The following CHST15 variants were observed in gnomAD, a reference collection of about 807,000 sequenced individuals.
CHST15 encodes carbohydrate sulfotransferase 15, also known as B cell RAG associated protein (GALNAC4S-6ST).
A neutral mutation model predicts 53.6 loss-of-function variants in CHST15; 30 were observed. The observed-to-expected ratio is 0.56, with a 90% CI of 0.42 to 0.76. CHST15 has a LOEUF of 0.76. Among genes scored for constraint, CHST15 ranks in the 30% least tolerant of loss-of-function variants. The pLI is 0.00. For missense variants in CHST15, 627 were observed against 740.5 expected, an observed-to-expected ratio of 0.85 and a Z score of 1.78; for synonymous variants, 296 against 289.8, an observed-to-expected ratio of 1.02 and a Z score of -0.22.
chr10:124,069,452 G>A (rs1351366860), intron 1 of CHST15, among the ~76,000 whole-genome samples: 2 of 152,180 alleles, frequency 1.3e-5, no homozygotes. Flanking sequence ...AGAATCATCG[G>A]GGCCAGGCTC....
At chr10:124,069,171 CA>C (rs1411333292) in intron 1 of CHST15, among the ~76,000 whole-genome samples, 3 of 152,230 alleles carry the variant, frequency 2.0e-5, no homozygotes, top group Non-Finnish European at 2.9e-5. Flanking sequence ...TGCTGCTAGG[CA>C]AAGTTGCAAA....
chr10:124,045,097 T>A (rs1326568285), intron 2 of CHST15, among the ~76,000 whole-genome samples, 178 bp from the exon 3 acceptor site: 1 of 72,608 alleles, frequency 1.4e-5, no homozygotes, highest in Non-Finnish European at 2.6e-5. Flanking sequence ...TGCTTTCCTC[T>A]CCCCCGCCGC....
chr10:124,023,874 G>A (rs976103620), intron 5 of CHST15, among the ~76,000 whole-genome samples: 11 of 148,314 alleles, frequency 7.4e-5, no homozygotes, highest in East Asian at 6.0e-4. Flanking sequence ...GCGGAGTTTC[G>A]CTTTTGTTGC....
intron 5 of CHST15, among the ~76,000 whole-genome samples, chr10:124,029,333 G>C (rs1484368991): frequency 6.6e-6 from 1 of 152,216 alleles, no homozygotes; most frequent in Non-Finnish European, 1.5e-5. Flanking sequence ...ACTGAACACA[G>C]GGGTGACACT....
At chr10:124,092,619 C>T (rs1437807848) in intron 1 of CHST15, among the ~76,000 whole-genome samples, 4 of 152,230 alleles carry the variant, frequency 2.6e-5, no homozygotes, top group African/African-American at 7.2e-5. Context: ...GCTCTGGCCT[C>T]CCCGCCCGGA....
At chr10:124,040,313 A>G in intron 4 of CHST15, among the ~76,000 whole-genome samples, 1 of 152,180 alleles carries the variant, frequency 6.6e-6, no homozygotes, top group Admixed American at 6.5e-5. Flanking sequence ...CCAGGGACAG[A>G]TCAGGGGAGG....
chr10:124,079,593 G>C (rs542476016), intron 1 of CHST15, among the ~76,000 whole-genome samples: 1 of 152,248 alleles, frequency 6.6e-6, no homozygotes, highest in African/African-American at 2.4e-5. Flanking sequence ...GCAGCCTGGG[G>C]CCCACTCCCT....
rs1947617291 is a variant in CHST15, at chr10:124,038,675, G to A, written c.1034-4C>T. On this transcript the variant is annotated splice_polypyrimidine_tract_variant and splice_region_variant and intron_variant, in intron 4 of 7. Coordinates refer to ENST00000435907, the MANE Select transcript of CHST15 (RefSeq NM_001270764.2). ...ATCGTGGAGGCACTGGCCTCCCCTG[G>A]AAACAGAAAACACTCCAAGTGAGCA... 6.2e-7 allele frequency: 1 copy of A among 1,613,808 alleles called. No individual in the cohort carries two copies. The highest frequency in any genetic ancestry group is 8.5e-7 in the Non-Finnish European group (1 of 1,179,856).
intron 6 of CHST15, among the ~76,000 whole-genome samples, chr10:124,014,552 A>G (rs1187283189): frequency 6.6e-6 from 1 of 152,196 alleles, no homozygotes; most frequent in African/African-American, 2.4e-5. Context: ...TCAGAAATAA[A>G]CATGTGTTGT....
intron 1 of CHST15, among the ~76,000 whole-genome samples, chr10:124,053,223 G>A (rs1168835520): frequency 6.6e-6 from 1 of 152,230 alleles, no homozygotes; most frequent in Admixed American, 6.5e-5. Flanking sequence ...TTCAGCTACA[G>A]GAGTGACGTA....
In CHST15 at chr10:124,046,404, G is replaced by T. The variant is rs1440676359; in HGVS notation, c.-192C>A. On this transcript the variant is annotated 5_prime_UTR_variant, in exon 2 of 8. In the 5' UTR this introduces an upstream ATG that the reference lacks. Transcript: ENST00000435907. ...AAGAGGGTGCACATTCTTTGGTTCAGCTCCGAAAGAAAACAAAAGGAAGTG... is the reference window on the plus strand; with the variant it reads ...AAGAGGGTGCACATTCTTTGGTTCATCTCCGAAAGAAAACAAAAGGAAGTG... 2 of 557,616 alleles carry T rather than the reference G, an allele frequency of 3.6e-6. No individual in the cohort carries two copies. The highest frequency in any genetic ancestry group is 1.9e-5 in the African/African-American group (1 of 52,406). The allele number at this position is 557,616 out of a possible 1,614,324, so 34.5% of individuals were successfully genotyped here.
chr10:124,050,397 G>C (rs1948149545), intron 1 of CHST15, among the ~76,000 whole-genome samples: 1 of 152,198 alleles, frequency 6.6e-6, no homozygotes, highest in South Asian at 2.1e-4. Flanking sequence ...ATAAAGAAAA[G>C]GGGGAGAGAG....
At chr10:124,076,999 G>A (rs1194424603) in intron 1 of CHST15, among the ~76,000 whole-genome samples, 5 of 152,158 alleles carry the variant, frequency 3.3e-5, no homozygotes, top group Admixed American at 3.3e-4. Context: ...GTGAGCCACC[G>A]CGCCCGGCCA....
chr10:124,082,313 C>T (rs576113583), intron 1 of CHST15, among the ~76,000 whole-genome samples: 18 of 152,210 alleles, frequency 1.2e-4, no homozygotes, highest in African/African-American at 2.6e-4. Flanking sequence ...CTCCAAAAAC[C>T]GGTATTCAAT....
intron 5 of CHST15, among the ~76,000 whole-genome samples, chr10:124,037,978 A>G (rs563371050): frequency 6.6e-6 from 1 of 152,268 alleles, no homozygotes; most frequent in Non-Finnish European, 1.5e-5. Context: ...CACACAGACC[A>G]GGATCAGAAT....
intron 5 of CHST15, among the ~76,000 whole-genome samples, chr10:124,028,341 C>T (rs1409805929): frequency 1.3e-5 from 2 of 152,174 alleles, no homozygotes; most frequent in Admixed American, 1.3e-4. Flanking sequence ...TGTTCATCGG[C>T]CTGGCCTCTA....
At chr10:124,048,233 C>T (rs1482940499) in intron 1 of CHST15, among the ~76,000 whole-genome samples, 1 of 152,232 alleles carries the variant, frequency 6.6e-6, no homozygotes, top group Non-Finnish European at 1.5e-5. Flanking sequence ...GAATTCTTTA[C>T]AGCTGAACTT....
chr10:124,079,511 C>T (rs969450608), intron 1 of CHST15, among the ~76,000 whole-genome samples: 1 of 152,212 alleles, frequency 6.6e-6, no homozygotes, highest in Non-Finnish European at 1.5e-5. Flanking sequence ...TGATGCAGGA[C>T]CTGGGAGGCC....
At chr10:124,017,795 C>T (rs181497240) in intron 6 of CHST15, among the ~76,000 whole-genome samples, 415 of 152,332 alleles carry the variant, frequency 2.7e-3, no homozygotes, top group Non-Finnish European at 5.0e-3. Context: ...AAGCCCCAGG[C>T]ATGGGAGGGC....
Sources: allele counts gnomAD v4.1 joint callset (sites outside exome capture counted in the v4.1 genomes callset), GRCh38; gene constraint gnomAD v4.1.1; transcripts MANE v1.5; gene names NCBI Gene and HGNC (gene_info 2026-07-23, HGNC 2026-07-21).